Variants in FMN2 observed in about 807,000 individuals in gnomAD.
The protein encoded by FMN2 is formin 2.
A neutral mutation model predicts 142.3 loss-of-function variants in FMN2; 51 were observed. The observed-to-expected ratio is 0.36, with a 90% CI of 0.29 to 0.45. FMN2 has a LOEUF of 0.45. FMN2 is among the 20% of genes least tolerant of loss of function. The pLI, the probability that FMN2 is intolerant of heterozygous loss-of-function variation, is 1.00. For missense variants in FMN2, 1,936 were observed against 2,122.8 expected, an observed-to-expected ratio of 0.91 and a Z score of 1.73; for synonymous variants, 882 against 869.8, an observed-to-expected ratio of 1.01 and a Z score of -0.25.
At chr1:240,239,959 A>G (rs1667834872) in intron 6 of FMN2, among the ~76,000 whole-genome samples, 1 of 152,188 alleles carries the variant, frequency 6.6e-6, no homozygotes, top group Non-Finnish European at 1.5e-5. Flanking sequence ...TGTTTTTCAT[A>G]ATTTCCCTGA....
chr1:240,349,871 G>A (rs951703161), intron 13 of FMN2, among the ~76,000 whole-genome samples: 2 of 151,990 alleles, frequency 1.3e-5, no homozygotes, highest in Admixed American at 6.6e-5. Context: ...TGCAATGCAA[G>A]TTTTCCAGGA....
At chr1:240,150,613 G>A (rs990896298) in intron 2 of FMN2, among the ~76,000 whole-genome samples, 3 of 152,108 alleles carry the variant, frequency 2.0e-5, no homozygotes, top group Non-Finnish European at 4.4e-5. Context: ...TCTTACCAAC[G>A]GTGTGGCCTC....
At chr1:240,434,428 G>A (rs1327496898) in intron 15 of FMN2, among the ~76,000 whole-genome samples, 10 of 152,092 alleles carry the variant, frequency 6.6e-5, no homozygotes, top group South Asian at 4.1e-4. Flanking sequence ...AATTCACTGA[G>A]GGCTACCTAA....
chr1:240,212,189 T>C (rs1166579009), intron 6 of FMN2, among the ~76,000 whole-genome samples: 1 of 152,180 alleles, frequency 6.6e-6, no homozygotes, highest in Non-Finnish European at 1.5e-5. Context: ...GACCTGGAAG[T>C]AATAGCTAGG....
chr1:240,438,756 A>G (rs1238493063), intron 16 of FMN2, among the ~76,000 whole-genome samples: 1 of 152,200 alleles, frequency 6.6e-6, no homozygotes, highest in African/African-American at 2.4e-5. Flanking sequence ...CCTCTTCAGT[A>G]TATGGAATAA....
At chr1:240,213,871 A>G (rs1317187077) in intron 6 of FMN2, among the ~76,000 whole-genome samples, 1 of 152,150 alleles carries the variant, frequency 6.6e-6, no homozygotes, top group Non-Finnish European at 1.5e-5. Flanking sequence ...CATGGCAGAG[A>G]CGTTTTCAGT....
intron 13 of FMN2, among the ~76,000 whole-genome samples, chr1:240,347,708 A>G (rs547257835): frequency 6.6e-6 from 1 of 152,200 alleles, no homozygotes; most frequent in African/African-American, 2.4e-5. Flanking sequence ...CCCCACTCTA[A>G]TAGACCCCAG....
At chr1:240,296,627 C>G (rs777115889) in intron 8 of FMN2, among the ~76,000 whole-genome samples, 24 of 151,010 alleles carry the variant, frequency 1.6e-4, no homozygotes, top group Non-Finnish European at 3.5e-4. Context: ...TTGATCACTC[C>G]CTTGAGGACT....
intron 1 of FMN2, among the ~76,000 whole-genome samples, chr1:240,112,492 G>T (rs1176310021): frequency 2.6e-5 from 4 of 152,104 alleles, no homozygotes; most frequent in African/African-American, 4.8e-5. Flanking sequence ...CAGGAAGATG[G>T]CCCCTCCCAC....
intron 15 of FMN2, among the ~76,000 whole-genome samples, chr1:240,408,802 T>C (rs1279424568): frequency 6.6e-6 from 1 of 152,084 alleles, no homozygotes; most frequent in Non-Finnish European, 1.5e-5. Context: ...GATTCTTGAG[T>C]TTCTCCTGAA....
At chr1:240,107,475 A>G (rs1661656024) in intron 1 of FMN2, among the ~76,000 whole-genome samples, 1 of 152,174 alleles carries the variant, frequency 6.6e-6, no homozygotes, top group Non-Finnish European at 1.5e-5. Flanking sequence ...ATTTAACTTA[A>G]TAGATACAAC....
intron 5 of FMN2, among the ~76,000 whole-genome samples, chr1:240,209,796 C>G (rs1572068214): frequency 6.6e-6 from 1 of 151,422 alleles, no homozygotes; most frequent in Middle Eastern, 3.4e-3. Context: ...TCCAGCTACT[C>G]GGGAGGCTGA....
At chr1:240,418,401 T>G (rs1674653812) in intron 15 of FMN2, among the ~76,000 whole-genome samples, 2 of 151,866 alleles carry the variant, frequency 1.3e-5, no homozygotes, top group South Asian at 2.1e-4. Flanking sequence ...TTCACCATAT[T>G]GGCCAGGCTG....
chr1:240,248,689 T>C (rs1668172341), intron 6 of FMN2, among the ~76,000 whole-genome samples: 1 of 151,906 alleles, frequency 6.6e-6, no homozygotes, highest in African/African-American at 2.4e-5. Context: ...TTTTCCATAG[T>C]GACTGTACTA....
At chr1:240,258,062 G>A (rs1308552559) in intron 7 of FMN2, 30 bp downstream of exon 7, 10 of 1,551,190 alleles carry the variant, frequency 6.4e-6, no homozygotes, top group Non-Finnish European at 8.8e-6. Flanking sequence ...TTTAGCTTCT[G>A]AATATTAAAA....
chr1:240,345,079 A>G (rs746144238), intron 13 of FMN2, among the ~76,000 whole-genome samples: 7 of 152,140 alleles, frequency 4.6e-5, no homozygotes, highest in Non-Finnish European at 8.8e-5. Context: ...TTCTTTTTCC[A>G]TTTTTAATTG....
intron 2 of FMN2, among the ~76,000 whole-genome samples, chr1:240,162,458 C>T (rs367577498): frequency 2.0e-5 from 3 of 151,864 alleles, no homozygotes; most frequent in Admixed American, 6.6e-5. Flanking sequence ...AGCAAGACTC[C>T]GTCTCAAAAA....
intron 2 of FMN2, chr1:240,145,530 ATTTTTTTTTTTTTTTTT>A (rs71168902): frequency 2.5e-3 from 208 of 84,514 alleles, no homozygotes; most frequent in African/African-American, 9.0e-3. Context: ...TTCTTTTTCT[ATTTTTTTTTTTTTTTTT>A]TTTTTTTTTT....
At chr1:240,163,701 T>C (rs1206387631) in intron 2 of FMN2, among the ~76,000 whole-genome samples, 1 of 152,218 alleles carries the variant, frequency 6.6e-6, no homozygotes, top group South Asian at 2.1e-4. Flanking sequence ...TACAATTGTT[T>C]AAATGCTTGG....
Sources: gnomAD v4.1 joint callset for allele counts (sites outside exome capture counted in the v4.1 genomes callset) on GRCh38, gnomAD v4.1.1 for gene constraint, MANE v1.5 for transcripts, NCBI Gene and HGNC (gene_info 2026-07-23, HGNC 2026-07-21) for gene names.